NCF1: variants seen among roughly 807,000 people sequenced by gnomAD.
The protein encoded by NCF1 is neutrophil cytosolic factor 1.
A neutral mutation model predicts 34.9 loss-of-function variants in NCF1; 8 were observed. That is an observed-to-expected ratio of 0.23 (90% CI 0.13 to 0.41). NCF1 has a LOEUF of 0.41. NCF1 is among the 10% of genes least tolerant of loss of function. NCF1 has a pLI of 1.00. For missense variants in NCF1, 122 were observed against 362.4 expected (o/e 0.34, Z 5.39); for synonymous variants, 57 against 146.3 (o/e 0.39, Z 4.41).
chr7:74,778,857 T>A (rs1796525755), intron 2 of NCF1, among the ~76,000 whole-genome samples: 1 of 134,552 alleles, frequency 7.4e-6, no homozygotes, highest in Non-Finnish European at 1.6e-5. Flanking sequence ...GTATTTTTAG[T>A]AGAGACGGGG....
chr7:74,788,767 G>A (rs1310747622), intron 10 of NCF1, 63 bp downstream of exon 10: 7 of 1,524,534 alleles, frequency 4.6e-6, no homozygotes, highest in Non-Finnish European at 6.2e-6. Flanking sequence ...GGGAGAGGCG[G>A]GGCCAGAGGT....
At chr7:74,776,099 A>C (rs1796467100) in intron 1 of NCF1, among the ~76,000 whole-genome samples, 1 of 49,580 alleles carries the variant, frequency 2.0e-5, no homozygotes, top group Admixed American at 2.4e-4. Flanking sequence ...GGCATGCGCC[A>C]CCATGCCCGG....
At chr7:74,788,829 G>T in intron 10 of NCF1, 125 bp downstream of exon 10, 5 of 1,343,618 alleles carry the variant, frequency 3.7e-6, no homozygotes, top group Non-Finnish European at 5.1e-6. Flanking sequence ...GGGAGAGGCG[G>T]GGACTGGAGG....
chr7:74,783,247 A>C, intron 6 of NCF1, 186 bp downstream of exon 6: 1 of 1,186,436 alleles, frequency 8.4e-7, no homozygotes. Flanking sequence ...GGCTGTGGGC[A>C]TCTGTGCATG....
At chr7:74,785,811 A>C (rs1331252454) in intron 8 of NCF1, among the ~76,000 whole-genome samples, 1 of 142,344 alleles carries the variant, frequency 7.0e-6, no homozygotes, top group East Asian at 2.1e-4. Context: ...TCAACCCGGG[A>C]GGCGGAGGTT....
At chr7:74,782,268 A>G (rs1458740793) in intron 5 of NCF1, among the ~76,000 whole-genome samples, 1 of 99,704 alleles carries the variant, frequency 1.0e-5, no homozygotes, top group Non-Finnish European at 2.0e-5. Context: ...GTGAAACTCC[A>G]TCTCTACTAA....
chr7:74,777,244 C>T (rs1554413102), intron 1 of NCF1, 23 bp from the exon 2 acceptor site: 1 of 1,611,342 alleles, frequency 6.2e-7, no homozygotes, highest in Non-Finnish European at 8.5e-7. Context: ...GAATGGGGTC[C>T]CCCGACTCTG....
intron 5 of NCF1, among the ~76,000 whole-genome samples, chr7:74,782,375 G>A (rs1328813046): frequency 1.8e-4 from 15 of 84,380 alleles, no homozygotes; most frequent in East Asian, 1.1e-3. Flanking sequence ...GGAGGTGGAG[G>A]TTGCAATGAG....
In NCF1 at chr7:74,783,055, G is replaced by C. The variant is rs782208737; in HGVS notation, c.568G>C (p.Glu190Gln). 6.2e-7 allele frequency: 1 copy of C among 1,611,370 alleles called. No individual in the cohort carries two copies. Among genetic ancestry groups the C allele is most frequent in the African/African-American group, 1.3e-5 (1 of 74,698 alleles). The change falls in exon 6 of 11, where the codon GAG becomes CAG. Residue 190 changes from glutamate to glutamine, a missense_variant. Around this residue, in one of 9 missense-constraint regions of NCF1, gnomAD observed 57 missense variants for 89.3 expected, o/e 0.64. Coordinates refer to ENST00000289473, the MANE Select transcript of NCF1 (RefSeq NM_000265.7). Reference sequence around the variant, plus strand: ...CGTGGTGGAGGTCGTAGAGAAGAGCGAGAGCGGTCAGACCTCCCACCTTAC... The same window carrying C: ...CGTGGTGGAGGTCGTAGAGAAGAGCCAGAGCGGTCAGACCTCCCACCTTAC... ...GDVVEVVEKS[E>Q]SGWWFCQMKA...
At chr7:74,779,217 C>T (rs1796536302) in intron 3 of NCF1, 40 bp from the exon 4 acceptor site, 8 of 1,609,878 alleles carry the variant, frequency 5.0e-6, no homozygotes, top group Non-Finnish European at 6.8e-6. Flanking sequence ...CCTGCCCTCC[C>T]AGCCCCTCTC....
At chr7:74,775,773 C>G (rs1300976131) in intron 1 of NCF1, among the ~76,000 whole-genome samples, 2 of 123,708 alleles carry the variant, frequency 1.6e-5, no homozygotes, top group African/African-American at 6.2e-5. Context: ...CTCACTCTGT[C>G]GCCAGACTGG....
chr7:74,779,262 A>C lies in NCF1; in HGVS notation c.235A>C (p.Lys79Gln). 1 of 1,611,392 alleles carries C rather than the reference A, an allele frequency of 6.2e-7. No individual in the cohort carries two copies. The highest frequency in any genetic ancestry group is 8.5e-7 in the Non-Finnish European group (1 of 1,179,572). Residue 79 changes from lysine (K) to glutamine (Q), a missense_variant, in exon 4 of 11, where the codon AAG (lysine) becomes CAG (glutamine). Transcript: ENST00000289473. ...CTCATGTTCTCTGGTGCCAGCTCCC[A>C]AGTGGTTTGACGGGCAGCGGGCCGC... ...NRIIPHLPAP[K>Q]WFDGQRAAEN...
At chr7:74,777,220 C>A in intron 1 of NCF1, 47 bp from the exon 2 acceptor site, 12 of 1,538,180 alleles carry the variant, frequency 7.8e-6, no homozygotes, top group Non-Finnish European at 1.1e-5. Context: ...CACAGCAAAG[C>A]CTCTTTGGAG....
intron 5 of NCF1, among the ~76,000 whole-genome samples, chr7:74,781,951 C>T (rs1796576288): frequency 6.6e-6 from 1 of 151,748 alleles, no homozygotes; most frequent in Non-Finnish European, 1.5e-5. Context: ...AATACACCCA[C>T]ACTGTAAGGT....
chr7:74,783,268 G>A (rs1563004177), intron 6 of NCF1: 1 of 923,662 alleles, frequency 1.1e-6, no homozygotes, highest in Non-Finnish European at 1.7e-6. Flanking sequence ...GCAGGCCGGG[G>A]CGGGGCATGT....
chr7:74,787,469 A>G (rs1237540798), intron 8 of NCF1, among the ~76,000 whole-genome samples: 1 of 152,162 alleles, frequency 6.6e-6, no homozygotes, highest in Non-Finnish European at 1.5e-5. Flanking sequence ...AGCATTTGGA[A>G]GAAAGCATAG....
In NCF1 at chr7:74,777,363, G is replaced by A. The variant is rs373480987; in HGVS notation, c.153+16G>A. 1.3e-6 allele frequency: 2 copies of A among 1,527,510 alleles called. No homozygotes were observed. The highest frequency in any genetic ancestry group is 3.6e-5 in the Admixed American group (2 of 56,288). The allele number at this position is 1,527,510 out of a possible 1,614,324, so 94.6% of individuals were successfully genotyped here. A position where few individuals can be genotyped will look rare whatever the true frequency, so the allele number is the denominator to read the frequency against. ...CGAGTTCCATGTGAGTGTGGGGATGGAGGAGGGACAGGGACCCACCGTTCC... is the reference window on the plus strand; with the variant it reads ...CGAGTTCCATGTGAGTGTGGGGATGAAGGAGGGACAGGGACCCACCGTTCC... On this transcript the variant is annotated intron_variant, in intron 2 of 10. Coordinates refer to ENST00000289473, the MANE Select transcript of NCF1 (RefSeq NM_000265.7).
intron 5 of NCF1, among the ~76,000 whole-genome samples, chr7:74,781,840 C>A (rs199789198): frequency 0.011 from 1,552 of 142,572 alleles, 31 homozygotes; most frequent in East Asian, 0.082. Context: ...GCTTTTTCTT[C>A]TTCTTATAAG....
intron 8 of NCF1, among the ~76,000 whole-genome samples, 153 bp from the exon 9 acceptor site, chr7:74,787,831 G>A (rs1246349067): frequency 9.9e-6 from 1 of 101,032 alleles, no homozygotes; most frequent in Non-Finnish European, 2.0e-5. Context: ...CAGTTGCACA[G>A]ACCAGGAAAC....
Sources: allele counts gnomAD v4.1 joint callset (sites outside exome capture counted in the v4.1 genomes callset), GRCh38; gene constraint gnomAD v4.1.1; regional missense constraint gnomAD v4.1.1; transcripts MANE v1.5; gene names NCBI Gene and HGNC (gene_info 2026-07-23, HGNC 2026-07-21).